LRP1B: variants seen among roughly 807,000 people sequenced by gnomAD.
LRP1B encodes low-density lipoprotein receptor-related protein 1B.
A neutral mutation model predicts 556.6 loss-of-function variants in LRP1B; 217 were observed. The observed-to-expected ratio is 0.39, with a 90% confidence interval of 0.35 to 0.44. The LOEUF is 0.44. Among genes scored for constraint, LRP1B ranks in the 20% least tolerant of loss-of-function variants. The probability of loss-of-function intolerance (pLI) is 1.00; values close to 1 mark genes in which losing one functional copy is unlikely to be tolerated. For missense variants in LRP1B, 5,053 were observed against 5,620.8 expected (o/e 0.90, Z 3.23); for synonymous variants, 2,047 against 1,865.8 (o/e 1.10, Z -2.50).
At chr2:141,729,292 T>C (rs1693172887) in intron 2 of LRP1B, among the ~76,000 whole-genome samples, 1 of 151,118 alleles carries the variant, frequency 6.6e-6, no homozygotes, top group South Asian at 2.1e-4. Flanking sequence ...CAAAAATGCT[T>C]ATGCTATGCT....
intron 2 of LRP1B, among the ~76,000 whole-genome samples, chr2:141,759,566 A>G (rs998629623): frequency 1.6e-4 from 24 of 152,196 alleles, no homozygotes; most frequent in Non-Finnish European, 4.4e-5. Flanking sequence ...CTTTACCAAA[A>G]TAAATCTGTG....
intron 1 of LRP1B, among the ~76,000 whole-genome samples, chr2:142,115,969 C>A (rs2105003335): frequency 7.1e-6 from 1 of 141,582 alleles, no homozygotes; most frequent in Middle Eastern, 3.8e-3. Flanking sequence ...GTAATCCCAG[C>A]ACTTTGGGAG....
chr2:140,990,859 T>C (rs199723659), intron 16 of LRP1B, among the ~76,000 whole-genome samples: 3 of 152,138 alleles, frequency 2.0e-5, no homozygotes, highest in East Asian at 3.9e-4. Context: ...CTTCGTATGA[T>C]AAAAACAAAT....
At chr2:141,261,905 G>A (rs1684704664) in intron 3 of LRP1B, among the ~76,000 whole-genome samples, 1 of 152,000 alleles carries the variant, frequency 6.6e-6, no homozygotes, top group Non-Finnish European at 1.5e-5. Flanking sequence ...GGGTAAATAT[G>A]GGATTTCTGG....
At chr2:142,101,411 ATC>A (rs1053548250) in intron 1 of LRP1B, among the ~76,000 whole-genome samples, 3 of 152,166 alleles carry the variant, frequency 2.0e-5, no homozygotes, top group South Asian at 2.1e-4. Context: ...TAGTATGTCT[ATC>A]TCTCTGCATA....
At chr2:141,307,775 G>A (rs1202626441) in intron 3 of LRP1B, among the ~76,000 whole-genome samples, 1 of 152,126 alleles carries the variant, frequency 6.6e-6, no homozygotes, top group African/African-American at 2.4e-5. Flanking sequence ...GTGTTATTAT[G>A]TCCATATGGG....
At chr2:140,238,073 G>A in intron 89 of LRP1B, 79 bp downstream of exon 89, 3 of 1,270,882 alleles carry the variant, frequency 2.4e-6, no homozygotes, top group East Asian at 2.5e-5. Context: ...AGAAAAACTT[G>A]GTGAAATTCA....
intron 41 of LRP1B, among the ~76,000 whole-genome samples, chr2:140,695,766 A>G (rs1196869993): frequency 6.6e-6 from 1 of 152,110 alleles, no homozygotes; most frequent in Non-Finnish European, 1.5e-5. Flanking sequence ...CTCTTTTTAT[A>G]CTGTGAACTT....
At chr2:140,356,737 C>CT (rs1401935451) in intron 74 of LRP1B, among the ~76,000 whole-genome samples, 1 of 151,740 alleles carries the variant, frequency 6.6e-6, no homozygotes, top group East Asian at 1.9e-4. Flanking sequence ...AGCTGTAACA[C>CT]TTTTTAAAAA....
chr2:140,595,087 AATATATATATATATATATATATATAT>A (rs60138085), intron 43 of LRP1B, among the ~76,000 whole-genome samples: 5,711 of 99,676 alleles, frequency 0.057, 243 homozygotes, highest in Non-Finnish European at 0.081. Flanking sequence ...ATATAAATTG[AATATATATATATATATATATATATAT>A]ATATATATAT....
intron 84 of LRP1B, among the ~76,000 whole-genome samples, chr2:140,288,920 A>G (rs878900062): frequency 6.6e-6 from 1 of 151,928 alleles, no homozygotes; most frequent in African/African-American, 2.4e-5. Flanking sequence ...AAACATGTCT[A>G]TAATGCTAAC....
Position 141,005,190 on chromosome 2 carries a change from T to G in LRP1B, c.2503+145A>C. 5 of 905,826 alleles carry G rather than the reference T, an allele frequency of 5.5e-6. No individual in the cohort carries two copies. The South Asian group carries it at 6.6e-5, about 12-fold the overall frequency. The allele number at this position is 905,826 out of a possible 1,614,324, so 56.1% of individuals were successfully genotyped here. A position where few individuals can be genotyped will look rare whatever the true frequency, so the allele number is the denominator to read the frequency against. On this transcript the variant is annotated intron_variant, in intron 15 of 90. Transcript: ENST00000389484. Reference sequence around the variant, plus strand: ...TATATATTCAAAATTAATCAGTTAATAATTTATAGTCTAAAAAGAATTATA... The same window carrying G: ...TATATATTCAAAATTAATCAGTTAAGAATTTATAGTCTAAAAAGAATTATA...
intron 2 of LRP1B, among the ~76,000 whole-genome samples, chr2:141,649,662 C>T (rs918794297): frequency 6.6e-6 from 1 of 152,138 alleles, no homozygotes; most frequent in African/African-American, 2.4e-5. Flanking sequence ...TCCAATACCT[C>T]TAATTGTGAT....
intron 20 of LRP1B, among the ~76,000 whole-genome samples, chr2:140,934,764 C>G (rs918638355): frequency 2.0e-5 from 3 of 152,150 alleles, no homozygotes; most frequent in African/African-American, 7.2e-5. Context: ...TTGCACCTCT[C>G]TCCATCGTTA....
chr2:140,355,430 C>A (rs1373254800), intron 75 of LRP1B, among the ~76,000 whole-genome samples: 6 of 151,906 alleles, frequency 3.9e-5, no homozygotes, highest in Non-Finnish European at 5.9e-5. Flanking sequence ...CACGAATAAT[C>A]CAAATACACA....
chr2:141,210,166 A>C (rs907486853), intron 6 of LRP1B, among the ~76,000 whole-genome samples: 3 of 152,084 alleles, frequency 2.0e-5, no homozygotes, highest in Admixed American at 2.0e-4. Context: ...CACTGTCTTT[A>C]GTTTCAATGA....
At chr2:140,327,355 A>C (rs1680541720) in intron 79 of LRP1B, among the ~76,000 whole-genome samples, 1 of 152,118 alleles carries the variant, frequency 6.6e-6, no homozygotes, top group African/African-American at 2.4e-5. Context: ...TTTGTTCCTC[A>C]AGTAATGTAT....
intron 3 of LRP1B, among the ~76,000 whole-genome samples, chr2:141,457,844 G>C (rs1405231952): frequency 1.3e-5 from 2 of 152,166 alleles, no homozygotes; most frequent in East Asian, 3.9e-4. Flanking sequence ...AGCACTTCCT[G>C]TTTCTTGGGG....
chr2:141,674,476 A>AG (rs1436160231), intron 2 of LRP1B, among the ~76,000 whole-genome samples: 1 of 152,112 alleles, frequency 6.6e-6, no homozygotes, highest in Non-Finnish European at 1.5e-5. Flanking sequence ...ATTGTATTCA[A>AG]TACTATAAGT....
Sources: allele counts gnomAD v4.1 joint callset (sites outside exome capture counted in the v4.1 genomes callset), GRCh38; gene constraint gnomAD v4.1.1; transcripts MANE v1.5; gene names NCBI Gene and HGNC (gene_info 2026-07-23, HGNC 2026-07-21).